ADAM9: variants seen among roughly 807,000 people sequenced by gnomAD.
ADAM9 encodes disintegrin and metalloproteinase domain-containing protein 9.
A neutral mutation model predicts 108.1 loss-of-function variants in ADAM9; 54 were observed. That is an observed-to-expected ratio of 0.50 (90% confidence interval 0.40 to 0.63). The LOEUF (loss-of-function observed/expected upper bound fraction) is 0.63. ADAM9 is among the 20% of genes least tolerant of loss of function. The pLI is 0.00. For synonymous variants in ADAM9, 316 were observed against 336.0 expected, an observed-to-expected ratio of 0.94 and a Z score of 0.65; for missense variants, 830 against 997.7, an observed-to-expected ratio of 0.83 and a Z score of 2.26.
intron 20 of ADAM9, among the ~76,000 whole-genome samples, chr8:39,097,193 CT>C (rs1839532904): frequency 6.6e-6 from 1 of 152,066 alleles, no homozygotes; most frequent in Admixed American, 6.6e-5. Context: ...CCTCTCAAAT[CT>C]TTTTTGGGGA....
chr8:39,023,923 T>C (rs879159978), intron 9 of ADAM9, among the ~76,000 whole-genome samples: 1 of 151,980 alleles, frequency 6.6e-6, no homozygotes, highest in East Asian at 1.9e-4. Context: ...ATTTTTGTAG[T>C]GTAGCAGAGA....
intron 11 of ADAM9, among the ~76,000 whole-genome samples, chr8:39,038,987 A>AG (rs1837371033): frequency 6.6e-6 from 1 of 152,110 alleles, no homozygotes; most frequent in South Asian, 2.1e-4. Context: ...AGCAGTTAAC[A>AG]GTACCAAAAT....
Position 39,083,723 on chromosome 8 carries a change from A to G in ADAM9, c.2068+650A>G, listed in dbSNP as rs901419702. ...TCTAGTACTGTTAGCACTATCTGTT[A>G]GCACTAATTGCTATACTAATTACTG... On this transcript the variant is annotated intron_variant, in intron 18 of 21. Transcript: ENST00000487273. Among the ~76,000 whole-genome samples, 17 of 152,200 alleles carry G rather than the reference A, an allele frequency of 1.1e-4. 1 individual carries two copies. The highest frequency in any genetic ancestry group is 3.4e-4 in the African/African-American group (14 of 41,462).
At chr8:39,004,539 G>T (rs1161735182) in intron 1 of ADAM9, among the ~76,000 whole-genome samples, 2 of 152,154 alleles carry the variant, frequency 1.3e-5, no homozygotes, top group East Asian at 3.8e-4. Flanking sequence ...TGTCTGTAAT[G>T]ATTTACTTAA....
intron 7 of ADAM9, among the ~76,000 whole-genome samples, chr8:39,021,430 C>T (rs1019251111): frequency 3.3e-5 from 5 of 151,972 alleles, no homozygotes; most frequent in African/African-American, 1.2e-4. Context: ...ATTATAGGCA[C>T]CTGCCACCAC....
chr8:39,043,768 A>G (rs1323328671), intron 12 of ADAM9, among the ~76,000 whole-genome samples: 1 of 152,050 alleles, frequency 6.6e-6, no homozygotes, highest in African/African-American at 2.4e-5. Context: ...TTCAGCCCTC[A>G]CACCCCTCCC....
intron 11 of ADAM9, among the ~76,000 whole-genome samples, chr8:39,034,260 CTT>C (rs1474141005): frequency 6.6e-6 from 1 of 152,036 alleles, no homozygotes; most frequent in Non-Finnish European, 1.5e-5. Context: ...ATTATGCAGT[CTT>C]TTATTTTTTT....
At chr8:39,076,389 T>C (rs539370435) in intron 15 of ADAM9, 4 of 152,336 alleles carry the variant, frequency 2.6e-5, no homozygotes, top group Non-Finnish European at 5.9e-5. Context: ...GGATAAATGC[T>C]TTACAGATGT....
chr8:39,102,617 T>G (rs974775176), intron 21 of ADAM9, among the ~76,000 whole-genome samples: 4 of 152,000 alleles, frequency 2.6e-5, no homozygotes, highest in African/African-American at 9.7e-5. Context: ...AAAAGCCAAG[T>G]GTAAAAGAAA....
At position 39,082,724 on chromosome 8, in the gene ADAM9, A is replaced by G. The variant is rs1399306518; in HGVS notation, c.1962+3A>G. ...AGAAAAAGTGTCATGGACATGGGGTAGGTAATGTTTTCTTTTGGCTTGTTC... is the reference window on the plus strand; with the variant it reads ...AGAAAAAGTGTCATGGACATGGGGTGGGTAATGTTTTCTTTTGGCTTGTTC... On this transcript the variant is annotated splice_donor_region_variant and intron_variant, in intron 17 of 21. Transcript: ENST00000487273. The G allele has an allele frequency of 7.4e-6, 12 of 1,611,488 alleles. No homozygotes were observed. The highest frequency in any genetic ancestry group is 1.0e-5 in the Non-Finnish European group (12 of 1,178,244).
intron 20 of ADAM9, among the ~76,000 whole-genome samples, chr8:39,094,725 C>G (rs1266097646): frequency 6.6e-6 from 1 of 151,968 alleles, no homozygotes; most frequent in African/African-American, 2.4e-5. Flanking sequence ...ATAGCAGTCT[C>G]TTATAAAACT....
At chr8:39,008,328 G>A (rs1222270734) in intron 2 of ADAM9, among the ~76,000 whole-genome samples, 1 of 152,012 alleles carries the variant, frequency 6.6e-6, no homozygotes, top group Non-Finnish European at 1.5e-5. Context: ...GTGCCACCAT[G>A]TCTGGCTAAT....
At chr8:39,061,485 T>C (rs1162531276) in intron 14 of ADAM9, among the ~76,000 whole-genome samples, 1 of 152,218 alleles carries the variant, frequency 6.6e-6, no homozygotes, top group African/African-American at 2.4e-5. Context: ...ATTTCAGATA[T>C]AGGGTTCTGT....
intron 14 of ADAM9, among the ~76,000 whole-genome samples, chr8:39,061,224 C>T (rs1838288388): frequency 1.3e-5 from 2 of 152,312 alleles, no homozygotes; most frequent in South Asian, 2.1e-4. Flanking sequence ...GTGGGTTCCA[C>T]CTGGCCTTTC....
At chr8:39,087,139 CT>C (rs1053515005) in intron 18 of ADAM9, among the ~76,000 whole-genome samples, 2 of 152,224 alleles carry the variant, frequency 1.3e-5, no homozygotes, top group African/African-American at 4.8e-5. Flanking sequence ...CCAGCTCCAT[CT>C]CTTTAACTGA....
chr8:39,086,522 C>A (rs1367210531), intron 18 of ADAM9, among the ~76,000 whole-genome samples: 3 of 152,076 alleles, frequency 2.0e-5, no homozygotes, highest in African/African-American at 7.2e-5. Context: ...ATAAGATGCT[C>A]AATCTTTACT....
rs114573645 is a variant in ADAM9, at chr8:39,012,231, G to A, written c.254+515G>A. ...TGTGTGAGGCATCATATTTTCTGGG[G>A]AGCCCAGGCACAAGTTTACTGAAGG... On this transcript the variant is annotated intron_variant, in intron 3 of 21. Coordinates refer to ENST00000487273, the MANE Select transcript of ADAM9 (RefSeq NM_003816.3). Among the ~76,000 whole-genome samples, 353 of 152,278 alleles carry A rather than the reference G, an allele frequency of 2.3e-3. 4 individuals are homozygous for A. The highest frequency in any genetic ancestry group is 8.3e-3 in the African/African-American group (345 of 41,546).
At chr8:39,093,295 A>G (rs762288243) in intron 20 of ADAM9, among the ~76,000 whole-genome samples, 2 of 152,084 alleles carry the variant, frequency 1.3e-5, no homozygotes, top group Non-Finnish European at 2.9e-5. Context: ...TTGTACAGAT[A>G]CTTATTTTTT....
intron 12 of ADAM9, among the ~76,000 whole-genome samples, chr8:39,049,358 T>C (rs1205662825): frequency 2.0e-5 from 3 of 152,100 alleles, no homozygotes; most frequent in Non-Finnish European, 4.4e-5. Flanking sequence ...CTCTTCACTT[T>C]AAGTTCTCCC....
Sources: gnomAD v4.1 joint callset for allele counts (sites outside exome capture counted in the v4.1 genomes callset) on GRCh38, gnomAD v4.1.1 for gene constraint, MANE v1.5 for transcripts, NCBI Gene and HGNC (gene_info 2026-07-23, HGNC 2026-07-21) for gene names.